The following SPATA31H1 variants were observed in gnomAD, a reference collection of about 807,000 sequenced individuals.
SPATA31H1 encodes the protein SPATA31 subfamily H member 1.
At chr2:27,540,789 T>G in the SPATA31H1 span, among the ~76,000 whole-genome samples, 2 of 61,184 alleles carry the variant, frequency 3.3e-5, no homozygotes, top group African/African-American at 8.2e-5. Flanking sequence ...TCTCAGACGA[T>G]GGGCGGCCGG....
the SPATA31H1 span, among the ~76,000 whole-genome samples, chr2:27,537,799 G>A: frequency 1.3e-5 from 2 of 152,114 alleles, no homozygotes; most frequent in Non-Finnish European, 2.9e-5. Context: ...TGGGGGAGAT[G>A]GATATACACA....
chr2:27,543,920 G>C, the SPATA31H1 span, among the ~76,000 whole-genome samples: 1 of 151,846 alleles, frequency 6.6e-6, no homozygotes, highest in African/African-American at 2.4e-5. Flanking sequence ...AATTTTCGCA[G>C]ATCTAGACTT....
chr2:27,579,338 T>C, the SPATA31H1 span: 2 of 1,614,220 alleles, frequency 1.2e-6, no homozygotes, highest in East Asian at 2.2e-5. Context: ...CAGATACCTG[T>C]CAATCTATTC....
the SPATA31H1 span, among the ~76,000 whole-genome samples, chr2:27,555,547 A>G: frequency 6.6e-6 from 1 of 151,514 alleles, no homozygotes; most frequent in African/African-American, 2.4e-5. Flanking sequence ...GGTGGTGTGC[A>G]CCTGTAGTCC....
chr2:27,540,040 A>G, the SPATA31H1 span, among the ~76,000 whole-genome samples: 1 of 98,684 alleles, frequency 1.0e-5, no homozygotes, highest in Non-Finnish European at 2.0e-5. Flanking sequence ...TCCCTCCCGG[A>G]CGGGGCGGCT....
At chr2:27,574,895 T>G in the SPATA31H1 span, 2 of 398,544 alleles carry the variant, frequency 5.0e-6, no homozygotes, top group African/African-American at 2.1e-5. Flanking sequence ...TGAAATCTTC[T>G]GAAGTGATCC....
chr2:27,553,706 G>A, the SPATA31H1 span, among the ~76,000 whole-genome samples: 2,485 of 152,066 alleles, frequency 0.016, 100 homozygotes, highest in African/African-American at 0.055. Flanking sequence ...CAGATCACCT[G>A]AGGTCAGGAG....
chr2:27,549,072 C>CAAAA, the SPATA31H1 span, among the ~76,000 whole-genome samples: 74 of 52,672 alleles, frequency 1.4e-3, no homozygotes, highest in Non-Finnish European at 1.7e-3. Flanking sequence ...GACTCCGTCT[C>CAAAA]AAAAAAAAAA....
chr2:27,543,028 G>A, the SPATA31H1 span, among the ~76,000 whole-genome samples: 1 of 151,944 alleles, frequency 6.6e-6, no homozygotes, highest in African/African-American at 2.4e-5. Flanking sequence ...GGGAGGCGGA[G>A]GTTGCAGTGA....
At chr2:27,543,943 T>C in the SPATA31H1 span, among the ~76,000 whole-genome samples, 111 of 152,070 alleles carry the variant, frequency 7.3e-4, no homozygotes, top group African/African-American at 2.5e-3. Flanking sequence ...TGACGGTTGT[T>C]TTTTAGGTTC....
At chr2:27,556,753 G>C in the SPATA31H1 span, among the ~76,000 whole-genome samples, 1 of 132,368 alleles carries the variant, frequency 7.6e-6, no homozygotes, top group Non-Finnish European at 1.6e-5. Flanking sequence ...GTTTCTCGCA[G>C]AGGGGGATTT....
chr2:27,545,573 CTTTTTCTTTTTTT>C, the SPATA31H1 span, among the ~76,000 whole-genome samples: 1 of 106,288 alleles, frequency 9.4e-6, no homozygotes, highest in Non-Finnish European at 1.8e-5. Context: ...CCATCTTTTC[CTTTTTCTTTTTTT>C]TTTTTTTGAG....
the SPATA31H1 span, chr2:27,537,427 A>G: frequency 2.8e-6 from 2 of 717,338 alleles, no homozygotes; most frequent in Non-Finnish European, 5.2e-6. Flanking sequence ...GGGTTGAGAA[A>G]TGGCACCAAT....
At chr2:27,575,351 T>A in the SPATA31H1 span, 1 of 398,502 alleles carries the variant, frequency 2.5e-6, no homozygotes, top group Admixed American at 4.4e-5. This position sits in a 1 kb window ranked among gnomAD's most constrained non-coding sequence, Gnocchi z 4.1. Context: ...TGGTGTTCAA[T>A]CCTGAGCCAC....
the SPATA31H1 span, chr2:27,572,539 T>C: frequency 2.5e-6 from 1 of 398,318 alleles, no homozygotes. Context: ...TTGCAGTGTG[T>C]AAAAACCTCT....
the SPATA31H1 span, chr2:27,580,874 G>A: frequency 1.1e-5 from 17 of 1,614,056 alleles, no homozygotes; most frequent in Admixed American, 1.7e-5. Context: ...GAACGGTCCA[G>A]TGCAGATCAG....
chr2:27,577,919 G>T, the SPATA31H1 span: 2 of 1,614,118 alleles, frequency 1.2e-6, no homozygotes, highest in Non-Finnish European at 1.7e-6. This position sits in a 1 kb window ranked among gnomAD's most constrained non-coding sequence, Gnocchi z 4.5. Context: ...TATCAATGGG[G>T]CTAACAAAGT....
At chr2:27,550,234 T>A in the SPATA31H1 span, among the ~76,000 whole-genome samples, 1 of 151,166 alleles carries the variant, frequency 6.6e-6, no homozygotes, top group Non-Finnish European at 1.5e-5. Context: ...CTTTTTTTTT[T>A]AATGTAGAGG....
At chr2:27,580,001 T>C in the SPATA31H1 span, 1 of 1,614,032 alleles carries the variant, frequency 6.2e-7, no homozygotes, top group Non-Finnish European at 8.5e-7. Context: ...CGGGGCCTTA[T>C]CTTCTTATCT....
Sources: gnomAD v4.1 joint callset for allele counts (sites outside exome capture counted in the v4.1 genomes callset) on GRCh38, gnomAD v4.1.1 for gene constraint, Gnocchi (gnomAD v3.1) non-coding constraint, MANE v1.5 for transcripts, NCBI Gene and HGNC (gene_info 2026-07-23, HGNC 2026-07-21) for gene names.